Variants in TEC observed in about 807,000 individuals in gnomAD.
TEC encodes tec protein tyrosine kinase.
In TEC, 72 loss-of-function variants were observed where a neutral mutation model predicts 93.0. The observed-to-expected ratio is 0.77, with a 90% CI of 0.64 to 0.94. TEC has a LOEUF of 0.94. Ranked by LOEUF, TEC falls within the 40% of genes least tolerant of loss-of-function variation. The probability of loss-of-function intolerance (pLI) is 0.00; values close to 1 mark genes in which losing one functional copy is unlikely to be tolerated. For synonymous variants in TEC, 249 were observed against 247.7 expected (o/e 1.01, Z -0.05); for missense variants, 630 against 757.9 (o/e 0.83, Z 1.98).
chr4:48,231,649 C>A (rs754533462), intron 1 of TEC, among the ~76,000 whole-genome samples: 1 of 151,726 alleles, frequency 6.6e-6, no homozygotes, highest in African/African-American at 2.4e-5. Flanking sequence ...CCCAGCTACT[C>A]GGGAAGCTGA....
At chr4:48,262,740 C>T (rs1179817199) in intron 1 of TEC, among the ~76,000 whole-genome samples, 3 of 152,180 alleles carry the variant, frequency 2.0e-5, no homozygotes, top group African/African-American at 7.2e-5. Context: ...AGTATCCCTA[C>T]TAGCCAAGCT....
intron 2 of TEC, among the ~76,000 whole-genome samples, chr4:48,181,173 C>T (rs941293157): frequency 2.8e-4 from 43 of 152,004 alleles, no homozygotes; most frequent in African/African-American, 9.4e-4. Context: ...AATTGAACAA[C>T]CAGGTGAAAG....
intron 2 of TEC, among the ~76,000 whole-genome samples, chr4:48,184,537 A>G (rs77890319): frequency 0.036 from 5,543 of 152,264 alleles, 339 homozygotes; most frequent in African/African-American, 0.13. Context: ...TGTGTGCCAC[A>G]TGACACCCTC....
Position 48,238,864 on chromosome 4 carries a change from C to T in TEC, c.-45-10205G>A, listed in dbSNP as rs1235335308. On this transcript the variant is annotated intron_variant, in intron 1 of 17. Transcript: ENST00000381501. Reference sequence around the variant, plus strand: ...ACAAGCTACTTCCCTGGATTTAGGGCATTTTCCAGCCTCCGACTGGCAGAC... The same window carrying T: ...ACAAGCTACTTCCCTGGATTTAGGGTATTTTCCAGCCTCCGACTGGCAGAC... Among the ~76,000 whole-genome samples the T allele has an allele frequency of 2.0e-5, 3 of 152,054 alleles. No homozygotes were observed. In the East Asian group the frequency reaches 5.8e-4, roughly 29 times the overall value.
chr4:48,212,110 A>AAAAAAAAAAATATATATAT, intron 2 of TEC, among the ~76,000 whole-genome samples: 1 of 122,266 alleles, frequency 8.2e-6, no homozygotes, highest in African/African-American at 3.0e-5. Context: ...AAAAAAAAAA[A>AAAAAAAAAAATATATATAT]ATATATATAT....
At chr4:48,173,375 TG>T (rs1490233761) in intron 3 of TEC, among the ~76,000 whole-genome samples, 1 of 152,236 alleles carries the variant, frequency 6.6e-6, no homozygotes, top group Non-Finnish European at 1.5e-5. Flanking sequence ...CTAGCTAACT[TG>T]GGGCATTTGT....
At chr4:48,241,224 T>C (rs1212033354) in intron 1 of TEC, among the ~76,000 whole-genome samples, 14 of 152,162 alleles carry the variant, frequency 9.2e-5, no homozygotes, top group Non-Finnish European at 1.6e-4. Flanking sequence ...TGTTTTTTTT[T>C]TTAAATACCT....
At position 48,145,368 on chromosome 4, in the gene TEC, T is replaced by C. The variant is rs770250085; in HGVS notation, c.1253+40A>G. 3 of 1,612,884 alleles carry C rather than the reference T, an allele frequency of 1.9e-6. No individual in the cohort carries two copies. The East Asian group carries it at 6.7e-5, about 36-fold the overall frequency. ...AAGTTTTTGGTAAGGGGCCACTTCTTAATACAAAAAGATGAGCCAGAAAGA... is the reference window on the plus strand; with the variant it reads ...AAGTTTTTGGTAAGGGGCCACTTCTCAATACAAAAAGATGAGCCAGAAAGA... On this transcript the variant is annotated intron_variant, in intron 13 of 17. Coordinates refer to ENST00000381501, the MANE Select transcript of TEC (RefSeq NM_003215.3).
chr4:48,258,152 T>TTA (rs1452106290), intron 1 of TEC, among the ~76,000 whole-genome samples: 1 of 150,850 alleles, frequency 6.6e-6, no homozygotes. Flanking sequence ...TTGGTTTTTT[T>TTA]TTTTTTTGAG....
intron 2 of TEC, among the ~76,000 whole-genome samples, chr4:48,191,239 C>T (rs1042384994): frequency 3.3e-5 from 5 of 152,222 alleles, no homozygotes; most frequent in African/African-American, 9.7e-5. Flanking sequence ...TGGACCCTCA[C>T]AATCACTTAC....
chr4:48,217,345 G>A lies in TEC; in HGVS notation c.138+11132C>T, dbSNP rs575675871. On this transcript the variant is annotated intron_variant, in intron 2 of 17. Coordinates refer to ENST00000381501, the MANE Select transcript of TEC (RefSeq NM_003215.3). ...TCTCGAACTCCTGACCTCATGATCC[G>A]CCCAACTCGGCCTCCCAAAGTGCTG... Among the ~76,000 whole-genome samples the A allele has an allele frequency of 2.0e-4, 30 of 152,204 alleles. 1 individual carries two copies. In the South Asian group the frequency reaches 3.7e-3, roughly 19 times the overall value.
Position 48,199,493 on chromosome 4 carries a change from G to GTC in TEC, c.139-23309_139-23308dup, listed in dbSNP as rs1189996996. On this transcript the variant is annotated intron_variant, in intron 2 of 17. Coordinates refer to ENST00000381501, the MANE Select transcript of TEC (RefSeq NM_003215.3). Reference sequence around the variant, plus strand: ...TTTTTTTTTTTTTTTTTGAGACAAAGTCTCACTCTGTTACCCAGGCTGGAG... The same window carrying GTC: ...TTTTTTTTTTTTTTTTTGAGACAAAGTCTCTCACTCTGTTACCCAGGCTGGAG... Among the ~76,000 whole-genome samples, 6 of 86,052 alleles carry GTC rather than the reference G, an allele frequency of 7.0e-5. No homozygotes were observed. In the Admixed American group the frequency reaches 9.6e-4, roughly 14 times the overall value. 56.5% of individuals were successfully genotyped at this position (86,052 alleles called of 152,430 possible).
chr4:48,265,418 CATAT>C (rs1207154940), intron 1 of TEC, among the ~76,000 whole-genome samples: 1 of 136,172 alleles, frequency 7.3e-6, no homozygotes, highest in Non-Finnish European at 1.6e-5. Context: ...TATACACACA[CATAT>C]ATATACACAC....
chr4:48,180,389 G>T (rs1201627483), intron 2 of TEC, among the ~76,000 whole-genome samples: 1 of 152,100 alleles, frequency 6.6e-6, no homozygotes, highest in Non-Finnish European at 1.5e-5. Context: ...TGAAAGGAGG[G>T]TTGAGGGTCT....
In TEC at chr4:48,178,341, A is replaced by G. The variant is rs142546801; in HGVS notation, c.139-2155T>C. Reference sequence around the variant, plus strand: ...CAAATTCTTCCTTCTGCAGTTCAAGAAAATGCTAAGATTTTACCCTTTTTG... The same window carrying G: ...CAAATTCTTCCTTCTGCAGTTCAAGGAAATGCTAAGATTTTACCCTTTTTG... On this transcript the variant is annotated intron_variant, in intron 2 of 17. Coordinates refer to ENST00000381501, the MANE Select transcript of TEC (RefSeq NM_003215.3). Among the ~76,000 whole-genome samples the G allele has an allele frequency of 6.7e-3, 1,013 of 152,324 alleles. 9 individuals carry two copies. The highest frequency in any genetic ancestry group is 0.023 in the African/African-American group (951 of 41,572).
At chr4:48,142,354 G>A (rs1719714006) in intron 14 of TEC, among the ~76,000 whole-genome samples, 1 of 152,146 alleles carries the variant, frequency 6.6e-6, no homozygotes, top group African/African-American at 2.4e-5. Context: ...CACAACTGTA[G>A]TACCAGCTAC....
chr4:48,253,204 G>A (rs1331043133), intron 1 of TEC, among the ~76,000 whole-genome samples: 1 of 152,134 alleles, frequency 6.6e-6, no homozygotes, highest in African/African-American at 2.4e-5. Flanking sequence ...TCATCAGGCA[G>A]TAAAACGGCT....
At chr4:48,197,875 A>G (rs1457025085) in intron 2 of TEC, among the ~76,000 whole-genome samples, 2 of 152,206 alleles carry the variant, frequency 1.3e-5, no homozygotes, top group Admixed American at 6.5e-5. Context: ...TCTCCTATCT[A>G]GCAGACAGGG....
At chr4:48,166,563 T>G (rs1028755653) in intron 7 of TEC, among the ~76,000 whole-genome samples, 1 of 152,012 alleles carries the variant, frequency 6.6e-6, no homozygotes, top group Non-Finnish European at 1.5e-5. Flanking sequence ...ACATGATGAC[T>G]TGAATTTACT....
Sources: allele counts gnomAD v4.1 joint callset (sites outside exome capture counted in the v4.1 genomes callset), GRCh38; gene constraint gnomAD v4.1.1; transcripts MANE v1.5; gene names NCBI Gene and HGNC (gene_info 2026-07-23, HGNC 2026-07-21).